TRPM7: variants seen among roughly 807,000 people sequenced by gnomAD.
TRPM7 encodes LTRPC ion channel family member 7.
TRPM7 carries 134 observed loss-of-function variants against 229.7 expected under a neutral mutation model. The ratio of observed to expected loss-of-function variants is 0.58; its 90% CI spans 0.51 to 0.67. The LOEUF is 0.67. Among genes scored for constraint, TRPM7 ranks in the 30% least tolerant of loss-of-function variants. The pLI is 0.00. For missense variants in TRPM7, 1,901 were observed against 2,210.0 expected (o/e 0.86, Z 2.80); for synonymous variants, 699 against 715.2 (o/e 0.98, Z 0.36).
At chr15:50,613,978 CATA>C (rs1189110549) in intron 14 of TRPM7, 137 bp from the exon 15 acceptor site, 11 of 1,340,298 alleles carry the variant, frequency 8.2e-6, no homozygotes, top group Admixed American at 2.4e-5. Flanking sequence ...ATTTTGACGA[CATA>C]ATATTTCTAA....
At position 50,580,593 on chromosome 15, in the gene TRPM7, A is replaced by G. The variant is rs371583492; in HGVS notation, c.4592+281T>C. 3.9e-5 allele frequency among the ~76,000 whole-genome samples: 6 copies of G among 152,362 alleles called. No individual in the cohort carries two copies. In the East Asian group the frequency reaches 7.7e-4, roughly 20 times the overall value. ...AAATTTATTCAGGAATAAGTTAGAAACAGGACTAAATAATAAAATCAGAAT... is the reference window on the plus strand; with the variant it reads ...AAATTTATTCAGGAATAAGTTAGAAGCAGGACTAAATAATAAAATCAGAAT... On this transcript the variant is annotated intron_variant, in intron 30 of 38. Coordinates refer to ENST00000646667, the MANE Select transcript of TRPM7 (RefSeq NM_017672.6).
At position 50,635,558 on chromosome 15, in the gene TRPM7, G is replaced by A. The variant is rs547399653; in HGVS notation, c.833-1002C>T. ...TGCGCCTGCAGTCCCAGCTACTCGG[G>A]AGGCTGAGGCAGGAGAATTACTTGA... On this transcript the variant is annotated intron_variant, in intron 7 of 38. Transcript: ENST00000646667. Among the ~76,000 whole-genome samples the A allele has an allele frequency of 4.0e-5, 6 of 149,712 alleles. No individual in the cohort carries two copies. In the East Asian group the frequency reaches 1.2e-3, roughly 30 times the overall value.
intron 19 of TRPM7, among the ~76,000 whole-genome samples, chr15:50,609,026 T>C (rs1251051848): frequency 6.6e-6 from 1 of 152,250 alleles, no homozygotes; most frequent in Non-Finnish European, 1.5e-5. Context: ...TATGGACATA[T>C]GCTCTTTAAC....
chr15:50,587,650 C>A (rs1228711418), intron 27 of TRPM7, among the ~76,000 whole-genome samples: 2 of 152,064 alleles, frequency 1.3e-5, no homozygotes, highest in Non-Finnish European at 2.9e-5. Flanking sequence ...GTCCATTTAT[C>A]CTAAATTTTA....
intron 2 of TRPM7, among the ~76,000 whole-genome samples, chr15:50,658,892 C>T (rs993989065): frequency 2.6e-5 from 4 of 152,118 alleles, no homozygotes; most frequent in South Asian, 2.1e-4. Flanking sequence ...ATTAAATAGG[C>T]TGCAACAATT....
At chr15:50,655,553 A>G (rs573396284) in intron 3 of TRPM7, among the ~76,000 whole-genome samples, 1 of 152,112 alleles carries the variant, frequency 6.6e-6, no homozygotes, top group African/African-American at 2.4e-5. Context: ...TATTATAGAC[A>G]TGCTGCTGAA....
chr15:50,623,089 G>A (rs904248014), intron 12 of TRPM7, among the ~76,000 whole-genome samples: 1 of 152,098 alleles, frequency 6.6e-6, no homozygotes, highest in African/African-American at 2.4e-5. Context: ...GACCAGCACT[G>A]TGAAAATAGC....
At chr15:50,624,697 G>C (rs2060507669) in intron 11 of TRPM7, among the ~76,000 whole-genome samples, 1 of 152,044 alleles carries the variant, frequency 6.6e-6, no homozygotes, top group Admixed American at 6.6e-5. Context: ...TAGGGTCAAG[G>C]GACATCAGAA....
intron 5 of TRPM7, 93 bp from the exon 6 acceptor site, chr15:50,639,641 A>C: frequency 1.9e-5 from 22 of 1,170,536 alleles, no homozygotes; most frequent in Non-Finnish European, 2.1e-5. Context: ...ATGACAGCTC[A>C]CTGCAGCCTC....
chr15:50,630,317 A>C (rs1444535657), intron 10 of TRPM7, among the ~76,000 whole-genome samples: 1 of 152,118 alleles, frequency 6.6e-6, no homozygotes, highest in Non-Finnish European at 1.5e-5. Flanking sequence ...TTGGCAATTT[A>C]TTATGGTCTA....
At chr15:50,662,562 A>G (rs74869685) in intron 2 of TRPM7, among the ~76,000 whole-genome samples, 386 of 152,304 alleles carry the variant, frequency 2.5e-3, no homozygotes, top group Middle Eastern at 0.01. Context: ...TATTAGGTTC[A>G]TATTGCTTTC....
At position 50,614,911 on chromosome 15, in the gene TRPM7, T is replaced by C. The variant is rs74761410; in HGVS notation, c.1495-648A>G. On this transcript the variant is annotated intron_variant, in intron 13 of 38. Coordinates refer to ENST00000646667, the MANE Select transcript of TRPM7 (RefSeq NM_017672.6). ...CAGGCTGGGCGCTGTGGCTCAGGCC[T>C]GTAATCCCAGCACTTTGGGAAGCCG... is the stretch of plus-strand genomic sequence containing the variant. Among the ~76,000 whole-genome samples, 9 of 152,198 alleles carry C rather than the reference T, an allele frequency of 5.9e-5. No individual in the cohort carries two copies. The East Asian group carries it at 1.4e-3, about 23-fold the overall frequency.
intron 21 of TRPM7, chr15:50,604,358 AG>A (rs771763346): frequency 2.0e-5 from 3 of 152,370 alleles, no homozygotes; most frequent in Non-Finnish European, 4.4e-5. Context: ...AGATCATCTG[AG>A]GTCAGGAGTT....
At chr15:50,636,780 C>G (rs1291617038) in intron 7 of TRPM7, among the ~76,000 whole-genome samples, 3 of 151,856 alleles carry the variant, frequency 2.0e-5, no homozygotes, top group Non-Finnish European at 4.4e-5. Context: ...ATTTTTTTCC[C>G]TTTTAGTTTT....
chr15:50,657,576 A>C (rs1195511572), intron 3 of TRPM7, among the ~76,000 whole-genome samples: 2 of 152,066 alleles, frequency 1.3e-5, no homozygotes, highest in Non-Finnish European at 2.9e-5. Flanking sequence ...TCTGCTCAAC[A>C]GACACAACTT....
chr15:50,646,449 A>T (rs893322977), intron 4 of TRPM7, among the ~76,000 whole-genome samples: 1 of 152,004 alleles, frequency 6.6e-6, no homozygotes, highest in Non-Finnish European at 1.5e-5. Flanking sequence ...TGCCCAGCTA[A>T]TATTTTTGAA....
At chr15:50,609,503 T>G in intron 19 of TRPM7, 78 bp downstream of exon 19, 1 of 1,351,644 alleles carries the variant, frequency 7.4e-7, no homozygotes, top group Non-Finnish European at 1.0e-6. Context: ...TATATCAACA[T>G]TAGTATGGAT....
intron 22 of TRPM7, among the ~76,000 whole-genome samples, chr15:50,598,438 A>G (rs1298234478): frequency 6.6e-6 from 1 of 152,214 alleles, no homozygotes; most frequent in Non-Finnish European, 1.5e-5. Flanking sequence ...CACAAGCTGC[A>G]ACAAAAATCT....
chr15:50,566,504 T>C (rs1219311123), intron 38 of TRPM7, among the ~76,000 whole-genome samples: 1 of 152,040 alleles, frequency 6.6e-6, no homozygotes, highest in African/African-American at 2.4e-5. Flanking sequence ...AAGACAATCC[T>C]GGCCAACATG....
Sources: gnomAD v4.1 joint callset for allele counts (sites outside exome capture counted in the v4.1 genomes callset) on GRCh38, gnomAD v4.1.1 for gene constraint, MANE v1.5 for transcripts, NCBI Gene and HGNC (gene_info 2026-07-23, HGNC 2026-07-21) for gene names.